ASCC3: variants seen among roughly 807,000 people sequenced by gnomAD.
The protein encoded by ASCC3 is activating signal cointegrator 1 complex subunit 3, also known as ASC-1 complex subunit P200.
A neutral mutation model predicts 256.3 loss-of-function variants in ASCC3; 158 were observed. The observed-to-expected ratio is 0.62, with a 90% CI of 0.54 to 0.70. The LOEUF (loss-of-function observed/expected upper bound fraction) is 0.70, where lower values mean the gene tolerates loss of function less well. Among genes scored for constraint, ASCC3 ranks in the 30% least tolerant of loss-of-function variants. ASCC3 has a pLI of 0.00. For missense variants in ASCC3, 2,259 were observed against 2,626.0 expected (o/e 0.86, Z 3.05); for synonymous variants, 948 against 883.4 (o/e 1.07, Z -1.30).
intron 8 of ASCC3, among the ~76,000 whole-genome samples, chr6:100,779,078 TATG>T (rs1782329304): frequency 1.3e-5 from 2 of 152,122 alleles, no homozygotes; most frequent in Non-Finnish European, 2.9e-5. Context: ...GATATACAGC[TATG>T]ATAAGCTTTC....
chr6:100,841,952 C>T (rs998200395), intron 4 of ASCC3, among the ~76,000 whole-genome samples: 2 of 152,134 alleles, frequency 1.3e-5, no homozygotes, highest in Non-Finnish European at 2.9e-5. Flanking sequence ...GAATTCTAAA[C>T]ACACAAATAC....
At chr6:100,568,293 T>C (rs754887120) in intron 36 of ASCC3, among the ~76,000 whole-genome samples, 1 of 150,552 alleles carries the variant, frequency 6.6e-6, no homozygotes, top group East Asian at 2.0e-4. Context: ...ACTTGGAACC[T>C]GGAGGCAGAG....
chr6:100,737,461 T>C (rs982876583), intron 10 of ASCC3, among the ~76,000 whole-genome samples: 4 of 152,120 alleles, frequency 2.6e-5, no homozygotes, highest in Admixed American at 6.6e-5. Flanking sequence ...CTCTGACTTA[T>C]AAGTGAGAAT....
intron 10 of ASCC3, among the ~76,000 whole-genome samples, chr6:100,754,880 G>T (rs1781102293): frequency 6.6e-6 from 1 of 152,068 alleles, no homozygotes; most frequent in South Asian, 2.1e-4. Context: ...GTTTTATAAA[G>T]GGTGGTTCCT....
intron 5 of ASCC3, among the ~76,000 whole-genome samples, chr6:100,802,077 C>G (rs1256617308): frequency 2.0e-5 from 3 of 150,842 alleles, no homozygotes; most frequent in South Asian, 2.1e-4. Flanking sequence ...ATATGTCTAC[C>G]TCATAGAAAG....
At position 100,512,898 on chromosome 6, in the gene ASCC3, G is replaced by A. The variant is rs1242922104; in HGVS notation, c.6096C>T (p.His2032=). 1.9e-6 allele frequency: 3 copies of A among 1,613,768 alleles called. No homozygotes were observed. The highest frequency in any genetic ancestry group is 1.6e-4 in the Middle Eastern group (1 of 6,062). Residue 2032 remains histidine, a synonymous_variant, in exon 40 of 42, where the codon CAC becomes CAT. Transcript: ENST00000369162. ...TTATGCCAACATTTATCACTGGCAAGTGAGATAAGAAATTCCATGCCTAAA... is the reference window on the plus strand; with the variant it reads ...TTATGCCAACATTTATCACTGGCAAATGAGATAAGAAATTCCATGCCTAAA... The part of the protein sequence containing the change: ...KTKQAWNFLS[H]LPVINVGISV...
chr6:100,555,974 C>T (rs563803301), intron 36 of ASCC3, among the ~76,000 whole-genome samples: 17 of 152,032 alleles, frequency 1.1e-4, no homozygotes, highest in Non-Finnish European at 2.2e-4. Context: ...CCAGCCTGGG[C>T]GACAGAGTGA....
At chr6:100,572,854 A>G (rs1257759562) in intron 36 of ASCC3, among the ~76,000 whole-genome samples, 4 of 152,160 alleles carry the variant, frequency 2.6e-5, no homozygotes, top group African/African-American at 4.8e-5. Context: ...AAGGTCATAC[A>G]TAATTTTAAA....
chr6:100,766,570 T>C lies in ASCC3; in HGVS notation c.1732A>G (p.Thr578Ala). The C allele has an allele frequency of 6.2e-7, 1 of 1,613,948 alleles. No homozygotes were observed. Among genetic ancestry groups the C allele is most frequent in the East Asian group, 2.2e-5 (1 of 44,836 alleles). ...AATCTAGGTAAACAACATACCTGAG[T>C]TCGTAAAATTTCACTTTTGGACAAC... ...MQLSKSEILR[T>A]QMLVTTPEKW... Residue 578 changes from threonine (T) to alanine (A), a missense_variant, in exon 10 of 42, where the codon ACT becomes GCT. Transcript: ENST00000369162.
chr6:100,704,375 G>A (rs1298439612), intron 13 of ASCC3, among the ~76,000 whole-genome samples: 3 of 151,912 alleles, frequency 2.0e-5, no homozygotes, highest in East Asian at 3.8e-4. Context: ...AAAGTCATGC[G>A]AGGCAAATTT....
At position 100,807,800 on chromosome 6, in the gene ASCC3, GAAGT is replaced by G. The variant is rs144933629; in HGVS notation, c.802-1924_802-1921del. ...TTTAATATTCTGTGTGACAAAAGGG[GAAGT>G]ATGTATAAAATTACTCCTACTATAT... On this transcript the variant is annotated intron_variant, in intron 4 of 41. Coordinates refer to ENST00000369162, the MANE Select transcript of ASCC3 (RefSeq NM_006828.4). Among the ~76,000 whole-genome samples, 1,921 of 151,800 alleles carry G rather than the reference GAAGT, an allele frequency of 0.013. 93 individuals carry two copies. The East Asian group carries it at 0.15, about 12-fold the overall frequency.
rs758651643 is a variant in ASCC3 at position 100,631,111 on chromosome 6, T to A, written c.4208+17A>T. The A allele has an allele frequency of 6.5e-7, 1 of 1,547,810 alleles. No homozygotes were observed. The highest frequency in any genetic ancestry group is 8.9e-7 in the Non-Finnish European group (1 of 1,121,874). On this transcript the variant is annotated intron_variant, in intron 26 of 41. Coordinates refer to ENST00000369162, the MANE Select transcript of ASCC3 (RefSeq NM_006828.4). ...GTCAATTCAAAGCGTATCTTTTGAG[T>A]AAAAGTAAGAACTTACTTTTTACCA...
intron 34 of ASCC3, among the ~76,000 whole-genome samples, chr6:100,592,678 G>C (rs993537418): frequency 6.6e-6 from 1 of 151,930 alleles, no homozygotes; most frequent in Admixed American, 6.6e-5. Context: ...ACTTTTTTTA[G>C]TTACTGTGCA....
chr6:100,633,877 CAA>C (rs60180833), intron 25 of ASCC3, among the ~76,000 whole-genome samples: 2 of 139,952 alleles, frequency 1.4e-5, no homozygotes, highest in Admixed American at 1.4e-4. Context: ...AACTCCGTCT[CAA>C]AAAAAAAAAA....
intron 8 of ASCC3, among the ~76,000 whole-genome samples, 191 bp downstream of exon 8, chr6:100,798,522 G>A (rs1450085856): frequency 6.6e-6 from 1 of 151,932 alleles, no homozygotes; most frequent in African/African-American, 2.4e-5. Context: ...ACACACATTT[G>A]TTTAATGTAT....
In ASCC3 at chr6:100,845,148, G is replaced by A. The variant is rs565499458; in HGVS notation, c.801+3000C>T. On this transcript the variant is annotated intron_variant, in intron 4 of 41. Transcript: ENST00000369162. ...TGTACAAATCTACTTAAACTTCAGT[G>A]CGCCTGTGTACTTTGTCAGAATGTC... Among the ~76,000 whole-genome samples the A allele has an allele frequency of 1.7e-3, 262 of 152,150 alleles. 1 individual carries two copies. The highest frequency in any genetic ancestry group is 6.0e-3 in the African/African-American group (248 of 41,530).
At chr6:100,714,799 A>G (rs1779013195) in intron 13 of ASCC3, among the ~76,000 whole-genome samples, 1 of 152,070 alleles carries the variant, frequency 6.6e-6, no homozygotes, top group Admixed American at 6.6e-5. Flanking sequence ...CAGTGTTCCA[A>G]TGTTTAAGGA....
At chr6:100,597,351 C>A (rs1039869371) in intron 34 of ASCC3, among the ~76,000 whole-genome samples, 2 of 151,970 alleles carry the variant, frequency 1.3e-5, no homozygotes, top group Non-Finnish European at 2.9e-5. Flanking sequence ...ATAGTAGGTA[C>A]TCAATAAATG....
At chr6:100,621,130 T>C (rs985452630) in intron 30 of ASCC3, among the ~76,000 whole-genome samples, 4 of 152,040 alleles carry the variant, frequency 2.6e-5, no homozygotes. Flanking sequence ...GGTACATATA[T>C]ACCATGGAAT....
Sources: allele counts gnomAD v4.1 joint callset (sites outside exome capture counted in the v4.1 genomes callset), GRCh38; gene constraint gnomAD v4.1.1; transcripts MANE v1.5; gene names NCBI Gene and HGNC (gene_info 2026-07-23, HGNC 2026-07-21).